Variants in PLD5 observed in about 807,000 individuals in gnomAD.
PLD5 encodes the protein phospholipase D family member 5.
PLD5 carries 36 observed loss-of-function variants against 61.1 expected under a neutral mutation model. The observed-to-expected ratio is 0.59, with a 90% CI of 0.45 to 0.78. The LOEUF is 0.78. Ranked by LOEUF, PLD5 falls within the 30% of genes least tolerant of loss-of-function variation. PLD5 has a pLI of 0.00. For missense variants in PLD5, 515 were observed against 644.4 expected (o/e 0.80, Z 2.17); for synonymous variants, 243 against 242.8 (o/e 1.00, Z -0.01).
intron 3 of PLD5, among the ~76,000 whole-genome samples, chr1:242,272,457 T>C (rs76484227): frequency 4.9e-4 from 75 of 152,288 alleles, no homozygotes; most frequent in Non-Finnish European, 8.8e-4. Context: ...ACAATTTTCG[T>C]TTGTGGAACA....
chr1:242,131,287 AGAGT>A (rs1377629844), intron 5 of PLD5, among the ~76,000 whole-genome samples: 2 of 152,188 alleles, frequency 1.3e-5, no homozygotes, highest in Non-Finnish European at 2.9e-5. Context: ...GCCTGGCAAC[AGAGT>A]GAGACTCTGT....
intron 1 of PLD5, among the ~76,000 whole-genome samples, chr1:242,423,392 A>C (rs1406012349): frequency 6.6e-6 from 1 of 152,194 alleles, no homozygotes; most frequent in African/African-American, 2.4e-5. Flanking sequence ...AAGGGCAGGA[A>C]GTGTCATATC....
rs577704434 is a variant in PLD5 at position 242,352,856 on chromosome 1, C to T, written c.190-4614G>A. ...TTGTATGTCTTTAAAGAAATATCTG[C>T]GAAAGCCCTTTACTTATTTCTTAAT... On this transcript the variant is annotated intron_variant, in intron 1 of 9. Transcript: ENST00000536534. Among the ~76,000 whole-genome samples, 16 of 152,218 alleles carry T rather than the reference C, an allele frequency of 1.1e-4. No individual in the cohort carries two copies. The South Asian group carries it at 2.3e-3, about 22-fold the overall frequency.
chr1:242,507,358 T>G (rs1435855020), intron 1 of PLD5, among the ~76,000 whole-genome samples: 1 of 152,208 alleles, frequency 6.6e-6, no homozygotes, highest in African/African-American at 2.4e-5. Flanking sequence ...CAGAAGTGAC[T>G]GAGGCCAGGA....
intron 1 of PLD5, among the ~76,000 whole-genome samples, chr1:242,438,871 A>C (rs985230546): frequency 6.6e-6 from 1 of 152,188 alleles, no homozygotes; most frequent in South Asian, 2.1e-4. Flanking sequence ...TTTAACCAAC[A>C]ATCCCTGTTT....
intron 1 of PLD5, among the ~76,000 whole-genome samples, chr1:242,512,281 A>T (rs553524904): frequency 8.6e-5 from 13 of 151,720 alleles, no homozygotes; most frequent in Non-Finnish European, 1.6e-4. Context: ...TTAGCCAGGC[A>T]TGGTGGCGGG....
chr1:242,333,080 T>G (rs1012912615), intron 2 of PLD5, among the ~76,000 whole-genome samples: 1 of 152,112 alleles, frequency 6.6e-6, no homozygotes, highest in African/African-American at 2.4e-5. Context: ...TTGGTGCTTT[T>G]AGGGCCCAGG....
At chr1:242,122,426 T>C (rs1474537970) in intron 6 of PLD5, among the ~76,000 whole-genome samples, 1 of 152,194 alleles carries the variant, frequency 6.6e-6, no homozygotes, top group Non-Finnish European at 1.5e-5. Flanking sequence ...ATCTATTTTT[T>C]GCTATTTCCA....
At chr1:242,190,617 C>T (rs973515309) in intron 5 of PLD5, among the ~76,000 whole-genome samples, 6 of 151,816 alleles carry the variant, frequency 4.0e-5, no homozygotes, top group African/African-American at 1.5e-4. Flanking sequence ...TGCAGTGGCT[C>T]ACAGCTGTAA....
intron 4 of PLD5, among the ~76,000 whole-genome samples, chr1:242,241,949 A>G (rs1401276037): frequency 7.5e-6 from 1 of 134,102 alleles, no homozygotes; most frequent in African/African-American, 2.8e-5. Context: ...TATATATACT[A>G]CTTATATATA....
At position 242,394,446 on chromosome 1, in the gene PLD5, G is replaced by GTATATGAGTATATATGTGAACATA. The variant is rs1553366463; in HGVS notation, c.190-46228_190-46205dup. On this transcript the variant is annotated intron_variant, in intron 1 of 9. Coordinates refer to ENST00000536534, the MANE Select transcript of PLD5 (RefSeq NM_001372062.1). ...TGTGTGTATATGAGTATATATGTGT[G>GTATATGAGTATATATGTGAACATA]TATATGAGTATATATGTGAACATAT... Among the ~76,000 whole-genome samples the GTATATGAGTATATATGTGAACATA allele has an allele frequency of 9.6e-3, 922 of 96,454 alleles. 229 individuals carry two copies. The highest frequency in any genetic ancestry group is 0.023 in the Admixed American group (189 of 8,132). The allele number at this position is 96,454 out of a possible 152,430, so 63.3% of individuals were successfully genotyped here. A position where few individuals can be genotyped will look rare whatever the true frequency, so the allele number is the denominator to read the frequency against.
chr1:242,252,217 A>G (rs1249880155), intron 4 of PLD5, among the ~76,000 whole-genome samples: 2 of 152,264 alleles, frequency 1.3e-5, no homozygotes, highest in Non-Finnish European at 2.9e-5. Context: ...GCCAAGGTTC[A>G]TGCTGAACAG....
At position 242,158,814 on chromosome 1, in the gene PLD5, T is replaced by C. The variant is rs188410783; in HGVS notation, c.736-34149A>G. Among the ~76,000 whole-genome samples, 28 of 152,264 alleles carry C rather than the reference T, an allele frequency of 1.8e-4. No individual in the cohort carries two copies. In the East Asian group the frequency reaches 5.4e-3, roughly 29 times the overall value. ...TCTTTGTCCTTTCAGTTTGAGTCAT[T>C]TCTATTGACCTACCTTCAAGTTTTT... On this transcript the variant is annotated intron_variant, in intron 5 of 9. Coordinates refer to ENST00000536534, the MANE Select transcript of PLD5 (RefSeq NM_001372062.1).
At chr1:242,225,772 T>C (rs1013207921) in intron 4 of PLD5, among the ~76,000 whole-genome samples, 1 of 152,270 alleles carries the variant, frequency 6.6e-6, no homozygotes, top group Non-Finnish European at 1.5e-5. Flanking sequence ...GCTTATCCAT[T>C]CTCCAGTTGA....
At chr1:242,422,798 C>G (rs2149300665) in intron 1 of PLD5, among the ~76,000 whole-genome samples, 1 of 151,986 alleles carries the variant, frequency 6.6e-6, no homozygotes, top group Middle Eastern at 3.4e-3. Context: ...GAAGTTCCTG[C>G]CCACATTGAG....
Position 242,089,405 on chromosome 1 carries a change from GATT to G in PLD5, c.*446_*448del. 2 of 401,670 alleles carry G rather than the reference GATT, an allele frequency of 5.0e-6. No individual in the cohort carries two copies. The highest frequency in any genetic ancestry group is 8.8e-6 in the Non-Finnish European group (2 of 228,090). 24.9% of individuals were successfully genotyped at this position (401,670 alleles called of 1,614,324 possible). On this transcript the variant is annotated 3_prime_UTR_variant, in exon 10 of 10. Coordinates refer to ENST00000536534, the MANE Select transcript of PLD5 (RefSeq NM_001372062.1). ...AGCTGACTGTGTAGGTCTTGGAGAC[GATT>G]TACAAGAATAAACACTTGGTTTTAT... is the stretch of plus-strand genomic sequence containing the variant.
intron 5 of PLD5, among the ~76,000 whole-genome samples, chr1:242,196,329 T>C (rs1010446750): frequency 6.6e-6 from 1 of 152,150 alleles, no homozygotes; most frequent in Non-Finnish European, 1.5e-5. Context: ...TCGGGAGTAG[T>C]GCCCTGTGGG....
intron 1 of PLD5, among the ~76,000 whole-genome samples, chr1:242,411,770 TATA>T (rs1664571958): frequency 6.6e-6 from 1 of 152,094 alleles, no homozygotes; most frequent in Non-Finnish European, 1.5e-5. Context: ...CTTGCAAAAT[TATA>T]ATATTGACAA....
chr1:242,372,037 C>G (rs2149247079), intron 1 of PLD5, among the ~76,000 whole-genome samples: 1 of 152,236 alleles, frequency 6.6e-6, no homozygotes, highest in South Asian at 2.1e-4. Context: ...CACCCCCGCC[C>G]TGACAGGCCC....
Sources: allele counts gnomAD v4.1 joint callset (sites outside exome capture counted in the v4.1 genomes callset), GRCh38; gene constraint gnomAD v4.1.1; transcripts MANE v1.5; gene names NCBI Gene and HGNC (gene_info 2026-07-23, HGNC 2026-07-21).